ACTR3C: variants seen among roughly 807,000 people sequenced by gnomAD.
ACTR3C encodes the protein actin related protein 3C.
In ACTR3C, 18 loss-of-function variants were observed where a neutral mutation model predicts 26.3. The ratio of observed to expected loss-of-function variants is 0.68; its 90% confidence interval spans 0.47 to 1.01. The LOEUF is 1.01. Among genes scored for constraint, ACTR3C ranks in the 50% least tolerant of loss-of-function variants. The pLI is 0.00. For missense variants in ACTR3C, 184 were observed against 250.7 expected, an observed-to-expected ratio of 0.73 and a Z score of 1.80; for synonymous variants, 55 against 94.5, an observed-to-expected ratio of 0.58 and a Z score of 2.42.
At chr7:150,101,784 T>C in the ACTR3C span, among the ~76,000 whole-genome samples, 73 of 151,900 alleles carry the variant, frequency 4.8e-4, 1 homozygote, top group Non-Finnish European at 7.4e-4. Context: ...AAAGGCATAA[T>C]TGACTCTCTA....
chr7:150,295,070 T>A (rs2531042), intron 2 of ACTR3C, among the ~76,000 whole-genome samples, 182 bp downstream of exon 2: 1 of 151,862 alleles, frequency 6.6e-6, no homozygotes, highest in African/African-American at 2.4e-5. Flanking sequence ...ATGGCATCAA[T>A]ATAAAAAGAA....
the ACTR3C span, among the ~76,000 whole-genome samples, chr7:150,019,552 A>G: frequency 1.3e-5 from 2 of 150,996 alleles, no homozygotes; most frequent in Middle Eastern, 6.8e-3. Flanking sequence ...AGATCACACC[A>G]CTGCACTCCA....
chr7:150,316,351 C>T (rs1019976039), intron 1 of ACTR3C, among the ~76,000 whole-genome samples: 2 of 152,192 alleles, frequency 1.3e-5, no homozygotes, highest in African/African-American at 4.8e-5. Context: ...AGTGTTTCGA[C>T]TGTAGTAGCT....
chr7:149,945,318 A>ACATGCTGCAGGGTCTTGGGG, the ACTR3C span, among the ~76,000 whole-genome samples: 2 of 118,872 alleles, frequency 1.7e-5, no homozygotes, highest in African/African-American at 3.0e-5. Context: ...TCCATCAGTG[A>ACATGCTGCAGGGTCTTGGGG]CAACCTCCCA....
chr7:150,208,485 A>G, the ACTR3C span, among the ~76,000 whole-genome samples: 1 of 151,940 alleles, frequency 6.6e-6, no homozygotes, highest in African/African-American at 2.4e-5. Context: ...AAACAATCTC[A>G]TGATTCATGG....
chr7:150,160,009 A>G, the ACTR3C span, among the ~76,000 whole-genome samples: 1 of 152,052 alleles, frequency 6.6e-6, no homozygotes, highest in African/African-American at 2.4e-5. Context: ...TGGCCAGGCT[A>G]GTCTTGAACT....
the ACTR3C span, among the ~76,000 whole-genome samples, chr7:150,122,344 T>C: frequency 6.6e-6 from 1 of 152,188 alleles, no homozygotes; most frequent in Admixed American, 6.5e-5. Context: ...TCTATCCATC[T>C]GACAAAGGGC....
At chr7:149,888,196 A>G in the ACTR3C span, among the ~76,000 whole-genome samples, 1 of 143,486 alleles carries the variant, frequency 7.0e-6, no homozygotes, top group South Asian at 2.5e-4. Context: ...TTCATTAGTG[A>G]CATACACTTT....
chr7:150,133,560 T>C, the ACTR3C span, among the ~76,000 whole-genome samples: 1 of 152,092 alleles, frequency 6.6e-6, no homozygotes, highest in South Asian at 2.1e-4. Flanking sequence ...ACCTGGAATA[T>C]GACCCCAACT....
At chr7:150,107,479 G>T in the ACTR3C span, among the ~76,000 whole-genome samples, 1 of 151,908 alleles carries the variant, frequency 6.6e-6, no homozygotes, top group Non-Finnish European at 1.5e-5. Flanking sequence ...CTAGGTTACA[G>T]GCCCTGAAAT....
At chr7:149,912,046 C>T in the ACTR3C span, among the ~76,000 whole-genome samples, 4 of 146,286 alleles carry the variant, frequency 2.7e-5, no homozygotes, top group Non-Finnish European at 4.5e-5. Flanking sequence ...TTTAAAAAAA[C>T]AAACAAAAAG....
chr7:150,200,589 A>T, the ACTR3C span, among the ~76,000 whole-genome samples: 1 of 152,322 alleles, frequency 6.6e-6, no homozygotes, highest in African/African-American at 2.4e-5. Context: ...ACCTCACTTG[A>T]AGCCCCACAT....
the ACTR3C span, chr7:150,073,982 C>T: frequency 2.0e-5 from 3 of 152,222 alleles, no homozygotes; most frequent in Non-Finnish European, 1.5e-5. Flanking sequence ...GTTAAACTCA[C>T]CAAGGACACT....
the ACTR3C span, among the ~76,000 whole-genome samples, chr7:150,210,635 T>TA: frequency 6.7e-6 from 1 of 148,164 alleles, no homozygotes; most frequent in Non-Finnish European, 1.5e-5. Flanking sequence ...AAAGACCACC[T>TA]ACTTTAATAA....
At chr7:149,949,393 G>GGGAAGGAA in the ACTR3C span, among the ~76,000 whole-genome samples, 38 of 133,904 alleles carry the variant, frequency 2.8e-4, 3 homozygotes, top group African/African-American at 9.6e-4. Flanking sequence ...GAAGGAAGGA[G>GGGAAGGAA]GGAAGGAAGG....
the ACTR3C span, among the ~76,000 whole-genome samples, chr7:150,041,644 C>A: frequency 9.7e-5 from 11 of 113,024 alleles, no homozygotes; most frequent in South Asian, 8.9e-4. Flanking sequence ...GCCTCCCCCC[C>A]CCTGCGATGA....
chr7:149,940,133 A>G, the ACTR3C span, among the ~76,000 whole-genome samples: 2 of 152,154 alleles, frequency 1.3e-5, no homozygotes, highest in African/African-American at 2.4e-5. Context: ...TGGGTTATCT[A>G]TCTACCTACC....
At chr7:150,204,175 AC>A in the ACTR3C span, among the ~76,000 whole-genome samples, 1 of 147,750 alleles carries the variant, frequency 6.8e-6, no homozygotes, top group Non-Finnish European at 1.5e-5. Flanking sequence ...AGAGCCTGAA[AC>A]GGGTGCTTTG....
intron 6 of ACTR3C, among the ~76,000 whole-genome samples, chr7:150,277,127 C>G (rs3864519): frequency 1.3e-5 from 2 of 152,132 alleles, no homozygotes. Context: ...AGCCTGCCAG[C>G]CTTCCTACAA....
Sources: allele counts gnomAD v4.1 joint callset (sites outside exome capture counted in the v4.1 genomes callset), GRCh38; gene constraint gnomAD v4.1.1; transcripts MANE v1.5; gene names NCBI Gene and HGNC (gene_info 2026-07-23, HGNC 2026-07-21).